MERTK: variants seen among roughly 807,000 people sequenced by gnomAD.
MERTK encodes the protein tyrosine-protein kinase Mer.
In MERTK, 69 loss-of-function variants were observed where a neutral mutation model predicts 99.3. The ratio of observed to expected loss-of-function variants is 0.70; its 90% CI spans 0.57 to 0.85. MERTK has a LOEUF of 0.85. Ranked by LOEUF, MERTK falls within the 40% of genes least tolerant of loss-of-function variation. The pLI, the probability that MERTK is intolerant of heterozygous loss-of-function variation, is 0.00. For missense variants in MERTK, 1,125 were observed against 1,249.4 expected (o/e 0.90, Z 1.50); for synonymous variants, 426 against 467.6 (o/e 0.91, Z 1.15).
At chr2:111,963,391 ACGGGTGT>A (rs1218132258) in intron 4 of MERTK, among the ~76,000 whole-genome samples, 1 of 152,268 alleles carries the variant, frequency 6.6e-6, no homozygotes, top group Non-Finnish European at 1.5e-5. Flanking sequence ...CAGATCCTTT[ACGGGTGT>A]CGGGCTGGGG....
intron 2 of MERTK, chr2:111,930,154 G>C (rs879399151): frequency 6.6e-6 from 1 of 152,446 alleles, no homozygotes; most frequent in Non-Finnish European, 1.5e-5. Flanking sequence ...CAGTGAGTGG[G>C]AACAGTGTTT....
chr2:111,988,855 A>G (rs1399405397), intron 8 of MERTK, among the ~76,000 whole-genome samples: 1 of 152,218 alleles, frequency 6.6e-6, no homozygotes, highest in African/African-American at 2.4e-5. Flanking sequence ...CAGCTGAGGC[A>G]GGAGAATCGC....
At chr2:111,988,854 C>A (rs1321740588) in intron 8 of MERTK, among the ~76,000 whole-genome samples, 1 of 152,196 alleles carries the variant, frequency 6.6e-6, no homozygotes, top group Non-Finnish European at 1.5e-5. Context: ...GCAGCTGAGG[C>A]AGGAGAATCG....
chr2:112,001,150 C>T (rs927241601), intron 10 of MERTK, 51 bp from the exon 11 acceptor site: 1 of 1,401,808 alleles, frequency 7.1e-7, no homozygotes, highest in African/African-American at 1.4e-5. Context: ...TCAGTGCCTG[C>T]CCCAGTAGCC....
chr2:112,005,326 C>T (rs887839186), intron 13 of MERTK, among the ~76,000 whole-genome samples: 2 of 152,176 alleles, frequency 1.3e-5, no homozygotes, highest in Non-Finnish European at 2.9e-5. Flanking sequence ...CCTGCCTTGG[C>T]CTCCCAAAGT....
At chr2:111,943,140 C>T (rs1031545825) in intron 2 of MERTK, among the ~76,000 whole-genome samples, 2 of 152,238 alleles carry the variant, frequency 1.3e-5, no homozygotes, top group East Asian at 1.9e-4. Context: ...CTACCCTTGA[C>T]AGCTTCCTGG....
chr2:112,018,941 G>T (rs1190189268), intron 15 of MERTK, among the ~76,000 whole-genome samples: 2 of 152,084 alleles, frequency 1.3e-5, no homozygotes, highest in African/African-American at 4.8e-5. Flanking sequence ...TAGTAAAATG[G>T]TAGCAGATAG....
chr2:111,986,937 G>A (rs1375956166), intron 8 of MERTK, among the ~76,000 whole-genome samples: 2 of 152,124 alleles, frequency 1.3e-5, no homozygotes, highest in South Asian at 2.1e-4. Flanking sequence ...GAAGAAAGGT[G>A]GACCCTGGGA....
At chr2:111,944,537 C>CTGTTTTCAGGAATTATTCCTT (rs1558781453) in intron 2 of MERTK, among the ~76,000 whole-genome samples, 1 of 151,830 alleles carries the variant, frequency 6.6e-6, no homozygotes, top group African/African-American at 2.4e-5. Flanking sequence ...GGAATTAGCT[C>CTGTTTTCAGGAATTATTCCTT]ACACACAGTG....
intron 4 of MERTK, among the ~76,000 whole-genome samples, chr2:111,963,162 CAT>C (rs1436175048): frequency 1.3e-5 from 2 of 152,332 alleles, no homozygotes; most frequent in Admixed American, 1.3e-4. Context: ...TTTAGATATG[CAT>C]ACACATAAAC....
chr2:111,965,732 G>A lies in MERTK; in HGVS notation c.844+455G>A, dbSNP rs185193100. Among the ~76,000 whole-genome samples the A allele has an allele frequency of 3.3e-5, 5 of 152,072 alleles. No individual in the cohort carries two copies. The East Asian group carries it at 9.7e-4, about 29-fold the overall frequency. Reference sequence around the variant, plus strand: ...GACCCTGTCCTTCCCAGGTCAGCGGGGCCTGCTGACTGACTCCCTGCCACC... The same window carrying A: ...GACCCTGTCCTTCCCAGGTCAGCGGAGCCTGCTGACTGACTCCCTGCCACC... On this transcript the variant is annotated intron_variant, in intron 5 of 18. Coordinates refer to ENST00000295408, the MANE Select transcript of MERTK (RefSeq NM_006343.3).
At chr2:111,900,847 T>C (rs559516308) in intron 1 of MERTK, among the ~76,000 whole-genome samples, 3 of 152,186 alleles carry the variant, frequency 2.0e-5, no homozygotes, top group Non-Finnish European at 4.4e-5. Context: ...ACATGGAAAT[T>C]AGACTCTTCA....
chr2:112,002,608 ATACT>A (rs1676891358), intron 11 of MERTK, among the ~76,000 whole-genome samples: 1 of 152,174 alleles, frequency 6.6e-6, no homozygotes, highest in South Asian at 2.1e-4. Context: ...AGGATTCATT[ATACT>A]TAGTTTAATC....
rs190522498 is a variant in MERTK at position 111,999,152 on chromosome 2, G to A, written c.1604+1676G>A. 7.0e-4 allele frequency among the ~76,000 whole-genome samples: 106 copies of A among 152,162 alleles called. 1 individual carries two copies. In the Middle Eastern group the frequency reaches 0.017, roughly 24 times the overall value. On this transcript the variant is annotated intron_variant, in intron 10 of 18. Transcript: ENST00000295408. Reference sequence around the variant, plus strand: ...ACATCAGTATTTTTTTCAAAATTGTGTTATCTCTTTAAAATAATCTATGTA... The same window carrying A: ...ACATCAGTATTTTTTTCAAAATTGTATTATCTCTTTAAAATAATCTATGTA...
At chr2:111,931,620 A>T (rs1348596510) in intron 2 of MERTK, among the ~76,000 whole-genome samples, 1 of 151,428 alleles carries the variant, frequency 6.6e-6, no homozygotes, top group African/African-American at 2.4e-5. Context: ...TGGGAGATGG[A>T]GGTTGCAGTA....
intron 6 of MERTK, among the ~76,000 whole-genome samples, chr2:111,974,009 AAAG>A (rs1224696670): frequency 6.6e-6 from 1 of 151,042 alleles, no homozygotes; most frequent in African/African-American, 2.4e-5. Context: ...AAAAAAAAAA[AAAG>A]CCAAGAATCT....
Position 112,028,796 on chromosome 2 carries a change from G to A in MERTK, c.2932G>A (p.Gly978Arg). The change falls in exon 19 of 19, where the codon GGA becomes AGA. Residue 978 changes from glycine (G) to arginine (R), a missense_variant. Gly to Arg is a moderately radical substitution (Grantham distance 125). Coordinates refer to ENST00000295408, the MANE Select transcript of MERTK (RefSeq NM_006343.3). The part of the protein sequence containing the change: ...SWSHSSMLPL[G>R]SSLPDELLFA... ...GTCCCATTCGAGCATGCTGCCCTTG[G>A]GAAGCTCATTGCCCGATGAACTTTT... is the stretch of plus-strand genomic sequence containing the variant. 2 of 1,614,060 alleles carry A rather than the reference G, an allele frequency of 1.2e-6. No homozygotes were observed. The highest frequency in any genetic ancestry group is 1.7e-6 in the Non-Finnish European group (2 of 1,180,044).
At chr2:112,022,920 C>T (rs746317870) in intron 18 of MERTK, among the ~76,000 whole-genome samples, 8 of 152,156 alleles carry the variant, frequency 5.3e-5, no homozygotes, top group Admixed American at 2.0e-4. Context: ...TACGATTCCT[C>T]GGCCCTGTTC....
At chr2:111,947,011 G>A (rs1165506338) in intron 3 of MERTK, among the ~76,000 whole-genome samples, 2 of 152,178 alleles carry the variant, frequency 1.3e-5, no homozygotes, top group Non-Finnish European at 2.9e-5. Flanking sequence ...GCGGTGGCAC[G>A]CCTGTAATCC....
Sources: allele counts gnomAD v4.1 joint callset (sites outside exome capture counted in the v4.1 genomes callset), GRCh38; gene constraint gnomAD v4.1.1; transcripts MANE v1.5; gene names NCBI Gene and HGNC (gene_info 2026-07-23, HGNC 2026-07-21).